Variants in ARHGAP15 observed in about 807,000 individuals in gnomAD.
The protein encoded by ARHGAP15 is Rho GTPase activating protein 15.
ARHGAP15 carries 51 observed loss-of-function variants against 63.7 expected under a neutral mutation model. The ratio of observed to expected loss-of-function variants is 0.80; its 90% CI spans 0.64 to 1.01. The LOEUF (loss-of-function observed/expected upper bound fraction) is 1.01, where lower values mean the gene tolerates loss of function less well. Ranked by LOEUF, ARHGAP15 falls within the 50% of genes least tolerant of loss-of-function variation. ARHGAP15 has a pLI of 0.00. For missense variants in ARHGAP15, 560 were observed against 564.6 expected, an observed-to-expected ratio of 0.99 and a Z score of 0.08; for synonymous variants, 191 against 193.8, an observed-to-expected ratio of 0.99 and a Z score of 0.12.
intron 13 of ARHGAP15, among the ~76,000 whole-genome samples, chr2:143,749,200 C>T (rs754254953): frequency 7.9e-5 from 12 of 152,172 alleles, no homozygotes; most frequent in Non-Finnish European, 1.0e-4. Context: ...CTGCATTCTG[C>T]CTGCAGTGGC....
intron 6 of ARHGAP15, among the ~76,000 whole-genome samples, chr2:143,330,927 C>G (rs1684521189): frequency 6.6e-6 from 1 of 152,142 alleles, no homozygotes; most frequent in African/African-American, 2.4e-5. Context: ...ATTACTGAAC[C>G]ATTGTCGCTT....
intron 6 of ARHGAP15, among the ~76,000 whole-genome samples, chr2:143,349,073 CTTAAGA>C (rs1312851065): frequency 6.6e-6 from 1 of 152,132 alleles, no homozygotes; most frequent in Non-Finnish European, 1.5e-5. Flanking sequence ...TCAAAGGACT[CTTAAGA>C]TTATCAAGTT....
Position 143,588,900 on chromosome 2 carries a change from C to T in ARHGAP15, c.1003+32415C>T, listed in dbSNP as rs141842923. 4.7e-4 allele frequency among the ~76,000 whole-genome samples: 72 copies of T among 152,280 alleles called. 1 individual carries two copies. Among genetic ancestry groups the T allele is most frequent in the Admixed American group, 3.3e-4 (5 of 15,294 alleles). On this transcript the variant is annotated intron_variant, in intron 11 of 13. Coordinates refer to ENST00000295095, the MANE Select transcript of ARHGAP15 (RefSeq NM_018460.4). Reference sequence around the variant, plus strand: ...AATTTGTTTTCATATTTGTTGTCAACCAGCTGACAGTTTCTCTGCCCTTTT... The same window carrying T: ...AATTTGTTTTCATATTTGTTGTCAATCAGCTGACAGTTTCTCTGCCCTTTT...
intron 13 of ARHGAP15, among the ~76,000 whole-genome samples, chr2:143,711,118 G>A (rs1684562535): frequency 6.6e-6 from 1 of 152,116 alleles, no homozygotes; most frequent in African/African-American, 2.4e-5. Flanking sequence ...CTGCTTTCAT[G>A]CTACAAAGGC....
intron 10 of ARHGAP15, among the ~76,000 whole-genome samples, chr2:143,538,362 G>A (rs915222720): frequency 6.6e-6 from 1 of 152,086 alleles, no homozygotes; most frequent in African/African-American, 2.4e-5. Context: ...TTAATTAAAT[G>A]CCCTTTATTT....
chr2:143,282,108 T>C (rs1681878656), intron 6 of ARHGAP15, among the ~76,000 whole-genome samples: 1 of 152,136 alleles, frequency 6.6e-6, no homozygotes, highest in African/African-American at 2.4e-5. Context: ...TAAATAAATT[T>C]GTAAATATCA....
intron 6 of ARHGAP15, among the ~76,000 whole-genome samples, chr2:143,349,146 C>A (rs1485487098): frequency 6.6e-6 from 1 of 152,134 alleles, no homozygotes; most frequent in African/African-American, 2.4e-5. Context: ...TCAGAAGAAA[C>A]TTGAAGATTG....
At chr2:143,558,922 C>T (rs867667087) in intron 11 of ARHGAP15, among the ~76,000 whole-genome samples, 3 of 152,136 alleles carry the variant, frequency 2.0e-5, no homozygotes, top group Non-Finnish European at 4.4e-5. Context: ...TAATGCAATT[C>T]TTTGTCTTTC....
intron 11 of ARHGAP15, chr2:143,593,226 C>T (rs1473305762): frequency 6.6e-6 from 1 of 152,188 alleles, no homozygotes; most frequent in African/African-American, 2.4e-5. Context: ...GGTCAGTGTT[C>T]AAACCCAAAT....
chr2:143,296,404 T>C (rs1682633972), intron 6 of ARHGAP15, among the ~76,000 whole-genome samples: 1 of 152,002 alleles, frequency 6.6e-6, no homozygotes, highest in Non-Finnish European at 1.5e-5. Context: ...TATTGCTAGG[T>C]GATGTAGAAG....
chr2:143,594,769 T>C (rs766354830), intron 11 of ARHGAP15, among the ~76,000 whole-genome samples: 3 of 152,194 alleles, frequency 2.0e-5, no homozygotes, highest in Admixed American at 6.5e-5. Context: ...AAATCTGATA[T>C]GTTGATTGCT....
intron 6 of ARHGAP15, among the ~76,000 whole-genome samples, chr2:143,340,728 A>C (rs988821365): frequency 9.2e-5 from 14 of 152,232 alleles, no homozygotes; most frequent in African/African-American, 3.4e-4. Context: ...TTTCTGAAAG[A>C]AGGCAACTTT....
At chr2:143,271,755 C>A (rs1055938496) in intron 6 of ARHGAP15, among the ~76,000 whole-genome samples, 3 of 152,200 alleles carry the variant, frequency 2.0e-5, no homozygotes, top group African/African-American at 4.8e-5. Context: ...GGATTACAGG[C>A]ATGAGCCACC....
intron 12 of ARHGAP15, among the ~76,000 whole-genome samples, chr2:143,677,662 TA>T (rs1262293941): frequency 2.7e-4 from 41 of 152,344 alleles, no homozygotes; most frequent in African/African-American, 9.6e-4. Context: ...ATAACCTTTG[TA>T]TTTAATGGAA....
At chr2:143,661,189 C>A (rs891423327) in intron 12 of ARHGAP15, among the ~76,000 whole-genome samples, 2 of 152,126 alleles carry the variant, frequency 1.3e-5, no homozygotes, top group African/African-American at 4.8e-5. Context: ...TCAGGCCCAC[C>A]CCAATAATCC....
intron 4 of ARHGAP15, among the ~76,000 whole-genome samples, chr2:143,217,900 T>C (rs1488825821): frequency 2.0e-5 from 3 of 152,180 alleles, no homozygotes; most frequent in African/African-American, 7.2e-5. Flanking sequence ...TCCAGCCTCA[T>C]GCAAGGAAGT....
intron 6 of ARHGAP15, among the ~76,000 whole-genome samples, chr2:143,287,105 A>G (rs1407271785): frequency 1.3e-5 from 2 of 152,190 alleles, no homozygotes; most frequent in African/African-American, 4.8e-5. Context: ...AATTGAACAA[A>G]TGTATAATTC....
chr2:143,318,218 G>A (rs1171457897), intron 6 of ARHGAP15, among the ~76,000 whole-genome samples: 2 of 151,854 alleles, frequency 1.3e-5, no homozygotes, highest in Non-Finnish European at 2.9e-5. Context: ...ATGTTAGCCA[G>A]GATGGTCTCG....
chr2:143,207,405 T>C (rs926744264), intron 3 of ARHGAP15, among the ~76,000 whole-genome samples: 9 of 151,952 alleles, frequency 5.9e-5, no homozygotes, highest in Non-Finnish European at 1.2e-4. Flanking sequence ...CCTTGCAATT[T>C]ATCTCTTTTT....
Sources: allele counts gnomAD v4.1 joint callset (sites outside exome capture counted in the v4.1 genomes callset), GRCh38; gene constraint gnomAD v4.1.1; transcripts MANE v1.5; gene names NCBI Gene and HGNC (gene_info 2026-07-23, HGNC 2026-07-21).